The following TBL1X variants were observed in gnomAD, a reference collection of about 807,000 sequenced individuals.
TBL1X encodes F-box-like/WD repeat-containing protein TBL1X.
A neutral mutation model predicts 50.7 loss-of-function variants in TBL1X; 10 were observed. The observed-to-expected ratio is 0.20, with a 90% CI of 0.12 to 0.33. The LOEUF (loss-of-function observed/expected upper bound fraction) is 0.33, where lower values mean the gene tolerates loss of function less well. TBL1X is among the 10% of genes least tolerant of loss of function. The pLI, the probability that TBL1X is intolerant of heterozygous loss-of-function variation, is 1.00. For missense variants in TBL1X, 340 were observed against 504.4 expected (o/e 0.67, Z 3.12); for synonymous variants, 190 against 214.7 (o/e 0.88, Z 1.01).
At chrX:9,693,242 G>T in intron 10 of TBL1X, 30 bp downstream of exon 10, 1 of 1,210,498 alleles carries the variant, frequency 8.3e-7, no homozygotes. Flanking sequence ...TGCTGGGGTC[G>T]GGTAAGAGGA....
At chrX:9,512,386 C>T (rs2082060181) in intron 2 of TBL1X, among the ~76,000 whole-genome samples, 1 of 111,788 alleles carries the variant, frequency 8.9e-6, no homozygotes, top group South Asian at 3.7e-4. Context: ...ACACGTGGCA[C>T]CCCCTGAGCT....
chrX:9,690,287 C>T (rs1333590550), intron 7 of TBL1X, among the ~76,000 whole-genome samples: 1 of 112,242 alleles, frequency 8.9e-6, no homozygotes, highest in Non-Finnish European at 1.9e-5. Flanking sequence ...TAACAAAAGG[C>T]CACACACCAG....
chrX:9,522,672 G>A (rs1455885262), intron 2 of TBL1X, among the ~76,000 whole-genome samples: 1 of 111,858 alleles, frequency 8.9e-6, no homozygotes, highest in African/African-American at 3.3e-5. Flanking sequence ...TTGCTTGGAT[G>A]CTCGAGAGTT....
intron 2 of TBL1X, among the ~76,000 whole-genome samples, chrX:9,578,458 T>C (rs1368010750): frequency 5.4e-5 from 6 of 111,254 alleles, no homozygotes; most frequent in Admixed American, 2.9e-4. Flanking sequence ...AGTGTTGCAA[T>C]TGGTAATGCA....
At chrX:9,506,342 AAG>A (rs1389244151) in intron 2 of TBL1X, among the ~76,000 whole-genome samples, 1 of 111,769 alleles carries the variant, frequency 8.9e-6, no homozygotes, top group Non-Finnish European at 1.9e-5. Context: ...CCACATCAGA[AAG>A]CTAAAAAGAT....
intron 5 of TBL1X, among the ~76,000 whole-genome samples, chrX:9,660,012 G>C (rs2082888264): frequency 1.8e-5 from 2 of 112,305 alleles, no homozygotes; most frequent in Admixed American, 9.4e-5. Flanking sequence ...AGTGCCGTTG[G>C]TCTAACCTTC....
chrX:9,584,904 A>T (rs2082460262), intron 2 of TBL1X, among the ~76,000 whole-genome samples: 1 of 111,560 alleles, frequency 9.0e-6, no homozygotes, highest in African/African-American at 3.3e-5. Context: ...TTGGAATTAG[A>T]TACAGAGGTG....
chrX:9,569,414 CTG>C (rs964342546), intron 2 of TBL1X, among the ~76,000 whole-genome samples: 2 of 110,456 alleles, frequency 1.8e-5, no homozygotes, highest in South Asian at 3.8e-4. Flanking sequence ...GTGTGGTGTA[CTG>C]TGTGTGTGTC....
chrX:9,470,666 T>C (rs957596189), intron 1 of TBL1X, among the ~76,000 whole-genome samples: 1 of 111,943 alleles, frequency 8.9e-6, no homozygotes, highest in Non-Finnish European at 1.9e-5. Flanking sequence ...CAGAATTTCA[T>C]TGGTGTTTCC....
chrX:9,578,144 C>T (rs2238860), intron 2 of TBL1X, among the ~76,000 whole-genome samples: 48,939 of 111,111 alleles, frequency 0.44, 9,000 homozygotes, highest in Admixed American at 0.6. Flanking sequence ...ATCACTTTTG[C>T]GCTTGCTTAT....
At chrX:9,701,608 A>AG (rs1285000262) in intron 12 of TBL1X, among the ~76,000 whole-genome samples, 60 of 109,013 alleles carry the variant, frequency 5.5e-4, no homozygotes, top group Admixed American at 2.0e-4. Flanking sequence ...AAGAAGAAAA[A>AG]GAAAACAACT....
At chrX:9,621,732 A>G (rs1181048321) in intron 2 of TBL1X, among the ~76,000 whole-genome samples, 2 of 112,204 alleles carry the variant, frequency 1.8e-5, no homozygotes, top group African/African-American at 6.5e-5. Flanking sequence ...TAACAAGAAC[A>G]CCCAGCCCAT....
intron 3 of TBL1X, among the ~76,000 whole-genome samples, chrX:9,648,517 G>A (rs188852707): frequency 6.6e-4 from 74 of 112,047 alleles, no homozygotes; most frequent in African/African-American, 2.2e-3. Flanking sequence ...CTCCCCACAT[G>A]TACACCCAGA....
At chrX:9,510,123 G>C (rs1002486058) in intron 2 of TBL1X, among the ~76,000 whole-genome samples, 31 of 111,202 alleles carry the variant, frequency 2.8e-4, no homozygotes, top group Admixed American at 7.7e-4. Flanking sequence ...TGTCACAGCT[G>C]ATGGGGTGGG....
intron 2 of TBL1X, among the ~76,000 whole-genome samples, chrX:9,613,906 A>G (rs1240471371): frequency 9.4e-6 from 1 of 106,604 alleles, no homozygotes; most frequent in Non-Finnish European, 1.9e-5. Flanking sequence ...GAATAGCTTG[A>G]AACCGGGAGG....
At chrX:9,657,162 T>TA (rs1440183423) in intron 5 of TBL1X, among the ~76,000 whole-genome samples, 1 of 111,988 alleles carries the variant, frequency 8.9e-6, no homozygotes, top group Non-Finnish European at 1.9e-5. Context: ...CATCCCTCCT[T>TA]ACCTGTGTGT....
At chrX:9,716,148 T>G in intron 17 of TBL1X, 72 bp from the exon 18 acceptor site, 2 of 1,134,910 alleles carry the variant, frequency 1.8e-6, no homozygotes. Context: ...GGCCGTAGCT[T>G]GCCGACTTCT....
chrX:9,538,897 C>T (rs911226270), intron 2 of TBL1X, among the ~76,000 whole-genome samples: 2 of 112,754 alleles, frequency 1.8e-5, no homozygotes, highest in Non-Finnish European at 3.8e-5. Flanking sequence ...GCTGGGGCCC[C>T]TCCTCTCAGC....
At chrX:9,487,468 T>G (rs940723899) in intron 1 of TBL1X, among the ~76,000 whole-genome samples, 3 of 111,947 alleles carry the variant, frequency 2.7e-5, no homozygotes, top group South Asian at 7.3e-4. Context: ...GTAGTATGTG[T>G]TGTTCTAGTT....
Sources: gnomAD v4.1 joint callset for allele counts (sites outside exome capture counted in the v4.1 genomes callset) on GRCh38, gnomAD v4.1.1 for gene constraint, MANE v1.5 for transcripts, NCBI Gene and HGNC (gene_info 2026-07-23, HGNC 2026-07-21) for gene names.